The following FGF14 variants were observed in gnomAD, a reference collection of about 807,000 sequenced individuals.
FGF14 encodes fibroblast growth factor homologous factor 4.
FGF14 carries 5 observed loss-of-function variants against 25.5 expected under a neutral mutation model. That is an observed-to-expected ratio of 0.20 (90% confidence interval 0.10 to 0.41). FGF14 has a LOEUF of 0.41. Among genes scored for constraint, FGF14 ranks in the 10% least tolerant of loss-of-function variants. FGF14 has a pLI of 1.00. For synonymous variants in FGF14, 138 were observed against 118.3 expected (o/e 1.17, Z -1.08); for missense variants, 222 against 320.1 (o/e 0.69, Z 2.34).
chr13:102,344,436 C>T (rs1197609610), intron 1 of FGF14, among the ~76,000 whole-genome samples: 2 of 152,220 alleles, frequency 1.3e-5, no homozygotes, highest in African/African-American at 4.8e-5. Flanking sequence ...AGATGTGTAA[C>T]AACACAACAT....
chr13:101,753,211 AAT>A (rs1031206329), intron 3 of FGF14, among the ~76,000 whole-genome samples: 26 of 152,228 alleles, frequency 1.7e-4, no homozygotes, highest in African/African-American at 5.8e-4. Flanking sequence ...CCAATTAAAA[AAT>A]ATGACATGCA....
At chr13:101,944,913 T>C (rs992366003) in intron 1 of FGF14, among the ~76,000 whole-genome samples, 1 of 152,168 alleles carries the variant, frequency 6.6e-6, no homozygotes, top group Non-Finnish European at 1.5e-5. Flanking sequence ...AAGTGTTTAA[T>C]GGGTTCAGAG....
chr13:101,779,452 A>C (rs540524534), intron 3 of FGF14, among the ~76,000 whole-genome samples: 2 of 152,340 alleles, frequency 1.3e-5, no homozygotes, highest in South Asian at 4.1e-4. Flanking sequence ...CATTGTGTTA[A>C]TGTATGAATA....
At chr13:102,164,035 T>C (rs1025357899) in intron 1 of FGF14, among the ~76,000 whole-genome samples, 14 of 152,158 alleles carry the variant, frequency 9.2e-5, no homozygotes. Flanking sequence ...TTCTCCCTGT[T>C]GACCTCAGCA....
intron 1 of FGF14, among the ~76,000 whole-genome samples, chr13:101,886,362 G>C (rs568178867): frequency 2.0e-5 from 3 of 152,226 alleles, no homozygotes; most frequent in African/African-American, 7.2e-5. Context: ...CAATGGAACA[G>C]AATAGAGAGC....
At chr13:102,093,044 T>C (rs1440401304) in intron 1 of FGF14, among the ~76,000 whole-genome samples, 2 of 152,166 alleles carry the variant, frequency 1.3e-5, no homozygotes, top group Non-Finnish European at 2.9e-5. Flanking sequence ...TGGACACATA[T>C]ATATACAGAC....
chr13:102,122,729 T>C (rs750681918), intron 1 of FGF14, among the ~76,000 whole-genome samples: 2 of 152,192 alleles, frequency 1.3e-5, no homozygotes, highest in African/African-American at 2.4e-5. Flanking sequence ...ATTTTTGATA[T>C]AAATATTTCA....
chr13:101,756,200 A>T (rs1269914808), intron 3 of FGF14, among the ~76,000 whole-genome samples: 1 of 152,214 alleles, frequency 6.6e-6, no homozygotes, highest in African/African-American at 2.4e-5. Flanking sequence ...TCTCCTTATG[A>T]ACTTAGATTA....
At chr13:101,797,881 T>A (rs2040642458) in intron 3 of FGF14, among the ~76,000 whole-genome samples, 1 of 151,924 alleles carries the variant, frequency 6.6e-6, no homozygotes, top group Admixed American at 6.6e-5. Flanking sequence ...TGTTCAATAA[T>A]CATTGTCTTG....
chr13:101,920,309 T>C (rs2033905261), upstream of FGF14, among the ~76,000 whole-genome samples: 1 of 152,202 alleles, frequency 6.6e-6, no homozygotes, highest in African/African-American at 2.4e-5. Context: ...CCAGGTGGTG[T>C]AGCTCCTCAC....
At chr13:102,263,008 C>G in intron 1 of FGF14, 1 of 591,440 alleles carries the variant, frequency 1.7e-6, no homozygotes. Context: ...CTTCAGACAG[C>G]ATAAATATGT....
At chr13:102,057,592 T>G (rs1211946504) in intron 1 of FGF14, among the ~76,000 whole-genome samples, 1 of 152,188 alleles carries the variant, frequency 6.6e-6, no homozygotes, top group Non-Finnish European at 1.5e-5. Flanking sequence ...ACCATTATAG[T>G]ATTTGAAACA....
At chr13:101,831,274 ATTTATTT>A (rs2042658285) in intron 3 of FGF14, among the ~76,000 whole-genome samples, 1 of 150,018 alleles carries the variant, frequency 6.7e-6, no homozygotes, top group Non-Finnish European at 1.5e-5. Flanking sequence ...TTATTTATTT[ATTTATTT>A]ACGTTGGCCA....
intron 3 of FGF14, among the ~76,000 whole-genome samples, chr13:101,730,850 C>T (rs182506249): frequency 1.1e-3 from 175 of 152,212 alleles, no homozygotes; most frequent in African/African-American, 3.8e-3. Context: ...GACTCAGGCT[C>T]TGTGGTGAGG....
At chr13:101,877,312 G>A (rs907237222) in intron 1 of FGF14, among the ~76,000 whole-genome samples, 18 of 152,220 alleles carry the variant, frequency 1.2e-4, no homozygotes, top group Middle Eastern at 6.8e-3. Context: ...ATTGTTTGAC[G>A]TTTTTCCTTT....
intron 1 of FGF14, among the ~76,000 whole-genome samples, chr13:102,180,416 G>A (rs1325185098): frequency 3.9e-5 from 6 of 152,048 alleles, no homozygotes; most frequent in East Asian, 1.9e-4. Flanking sequence ...GGGTTCAAGC[G>A]ATTCTCCTCC....
chr13:101,916,225 G>A (rs1160668626), intron 1 of FGF14, among the ~76,000 whole-genome samples: 1 of 152,238 alleles, frequency 6.6e-6, no homozygotes, highest in Non-Finnish European at 1.5e-5. Context: ...AGGAGCCGCC[G>A]GCGAGGAGCA....
intron 1 of FGF14, among the ~76,000 whole-genome samples, chr13:102,222,330 T>A (rs2050650042): frequency 6.6e-6 from 1 of 152,244 alleles, no homozygotes; most frequent in African/African-American, 2.4e-5. Context: ...CATTTTATAT[T>A]CAGCCTTGCA....
chr13:102,099,770 A>C (rs1489079574), intron 1 of FGF14, among the ~76,000 whole-genome samples: 1 of 152,062 alleles, frequency 6.6e-6, no homozygotes, highest in African/African-American at 2.4e-5. Flanking sequence ...ATTAGTATTT[A>C]TTTAATAAAA....
Sources: allele counts gnomAD v4.1 joint callset (sites outside exome capture counted in the v4.1 genomes callset), GRCh38; gene constraint gnomAD v4.1.1; transcripts MANE v1.5; gene names NCBI Gene and HGNC (gene_info 2026-07-23, HGNC 2026-07-21).